Variants in DOCK2 observed in about 807,000 individuals in gnomAD.
DOCK2 encodes dedicator of cytokinesis protein 2.
In DOCK2, 87 loss-of-function variants were observed where a neutral mutation model predicts 248.9. That is an observed-to-expected ratio of 0.35 (90% CI 0.29 to 0.42). The LOEUF is 0.42. DOCK2 is among the 10% of genes least tolerant of loss of function. The pLI is 1.00. For synonymous variants in DOCK2, 805 were observed against 821.6 expected (o/e 0.98, Z 0.35); for missense variants, 1,747 against 2,300.2 (o/e 0.76, Z 4.92).
At position 169,678,275 on chromosome 5, in the gene DOCK2, GT is replaced by G. The variant is rs869109229; in HGVS notation, c.471-3458del. On this transcript the variant is annotated intron_variant, in intron 6 of 51. Coordinates refer to ENST00000520908, the MANE Select transcript of DOCK2 (RefSeq NM_004946.3). ...ATCTTCAGTCTTGAGAAAAGTTTTT[GT>G]TTTTTTTTTTCTTTTTTGAGACAGA... Among the ~76,000 whole-genome samples, 366 of 146,828 alleles carry G rather than the reference GT, an allele frequency of 2.5e-3. 2 individuals are homozygous for G. Among genetic ancestry groups the G allele is most frequent in the African/African-American group, 7.6e-3 (306 of 40,190 alleles).
chr5:169,739,260 G>A (rs1763191033), intron 22 of DOCK2, among the ~76,000 whole-genome samples: 1 of 152,176 alleles, frequency 6.6e-6, no homozygotes, highest in Admixed American at 6.5e-5. Context: ...TGCAGTTTAT[G>A]CCAGAAACTG....
At chr5:170,077,937 C>T in intron 48 of DOCK2, 100 bp downstream of exon 48, 1 of 1,007,850 alleles carries the variant, frequency 9.9e-7, no homozygotes, top group Non-Finnish European at 1.5e-6. Context: ...TCTACCTTTC[C>T]CTTCCTCCTT....
chr5:169,827,668 C>T (rs1326069910), intron 26 of DOCK2, among the ~76,000 whole-genome samples: 5 of 152,002 alleles, frequency 3.3e-5, no homozygotes, highest in East Asian at 1.9e-4. Flanking sequence ...GATCGGAATT[C>T]GGAATAAATC....
chr5:169,866,598 T>C, intron 27 of DOCK2, among the ~76,000 whole-genome samples: 1 of 152,152 alleles, frequency 6.6e-6, no homozygotes, highest in Non-Finnish European at 1.5e-5. Flanking sequence ...GCAGACAATC[T>C]CCCTGGCCTC....
intron 2 of DOCK2, among the ~76,000 whole-genome samples, chr5:169,663,688 T>A (rs932806486): frequency 2.0e-5 from 3 of 152,248 alleles, no homozygotes; most frequent in African/African-American, 7.2e-5. Context: ...TTGGCCCCTT[T>A]TAGCCATAGC....
intron 27 of DOCK2, among the ~76,000 whole-genome samples, chr5:169,854,074 C>T (rs1337892822): frequency 4.0e-5 from 6 of 151,616 alleles, no homozygotes; most frequent in Admixed American, 6.6e-5. Context: ...CCGCCCACCT[C>T]GGCCTCCCAA....
intron 27 of DOCK2, among the ~76,000 whole-genome samples, chr5:169,909,061 C>T (rs1297976824): frequency 6.6e-6 from 1 of 152,210 alleles, no homozygotes; most frequent in Admixed American, 6.5e-5. Flanking sequence ...CTGAGCCAGG[C>T]TGCCTGCTTT....
At chr5:169,956,988 C>G (rs1304569428) in intron 27 of DOCK2, among the ~76,000 whole-genome samples, 5 of 151,974 alleles carry the variant, frequency 3.3e-5, no homozygotes, top group Admixed American at 1.3e-4. Context: ...GGCAAAACCA[C>G]AGGAGCAATA....
chr5:169,828,150 A>G (rs1768991807), intron 26 of DOCK2, among the ~76,000 whole-genome samples: 1 of 152,208 alleles, frequency 6.6e-6, no homozygotes, highest in African/African-American at 2.4e-5. Context: ...CTGCATGCGT[A>G]GATCAGAGGA....
At chr5:169,957,960 G>A (rs144495666) in intron 27 of DOCK2, among the ~76,000 whole-genome samples, 115 of 152,298 alleles carry the variant, frequency 7.6e-4, no homozygotes, top group Non-Finnish European at 1.3e-3. Flanking sequence ...GGAGTAGGGC[G>A]TCAGGAGAGG....
At chr5:169,926,109 T>A (rs1775438746) in intron 27 of DOCK2, among the ~76,000 whole-genome samples, 1 of 152,088 alleles carries the variant, frequency 6.6e-6, no homozygotes, top group Non-Finnish European at 1.5e-5. Flanking sequence ...TGGGATGCTG[T>A]GGGAAAACAT....
At chr5:169,726,479 T>C (rs756655903) in intron 22 of DOCK2, among the ~76,000 whole-genome samples, 2 of 152,236 alleles carry the variant, frequency 1.3e-5, no homozygotes, top group Non-Finnish European at 2.9e-5. Context: ...TGATGGTAGT[T>C]TCTTTTGCTG....
At chr5:169,759,267 A>G (rs1175349862) in intron 23 of DOCK2, among the ~76,000 whole-genome samples, 1 of 152,250 alleles carries the variant, frequency 6.6e-6, no homozygotes, top group Non-Finnish European at 1.5e-5. Context: ...GTCACCATTT[A>G]TTGAGCACTA....
chr5:170,005,043 T>A (rs564843864), intron 30 of DOCK2, among the ~76,000 whole-genome samples: 2 of 141,118 alleles, frequency 1.4e-5, no homozygotes, highest in Non-Finnish European at 3.0e-5. Context: ...AATGTGCACA[T>A]GTACCCTAAA....
chr5:170,079,109 C>T lies in DOCK2; in HGVS notation c.5129C>T (p.Ala1710Val), dbSNP rs200684209. The T allele has an allele frequency of 1.5e-4, 240 of 1,613,866 alleles. No homozygotes were observed. The highest frequency in any genetic ancestry group is 1.6e-4 in the Non-Finnish European group (183 of 1,179,990). ...KRTKRSSVVFADEKAAAESDL... is the reference protein window; with the variant it reads ...KRTKRSSVVFVDEKAAAESDL... ...ACAAAGAGAAGCAGCGTAGTTTTTG[C>T]GGATGAGAAAGCAGCTGCAGAGTCG... The change falls in exon 49 of 52, where the codon GCG (alanine) becomes GTG (valine). Residue 1710 changes from alanine (A) to valine (V), a missense_variant. Physicochemically the swap from Ala to Val is moderately conservative, Grantham distance 64. Coordinates refer to ENST00000520908, the MANE Select transcript of DOCK2 (RefSeq NM_004946.3).
intron 26 of DOCK2, among the ~76,000 whole-genome samples, chr5:169,809,519 T>G (rs1767608798): frequency 6.6e-6 from 1 of 152,224 alleles, no homozygotes; most frequent in African/African-American, 2.4e-5. Flanking sequence ...AATTAGGGAC[T>G]TCCTTGTCTG....
intron 27 of DOCK2, among the ~76,000 whole-genome samples, chr5:169,972,448 G>A (rs567697117): frequency 7.3e-5 from 11 of 151,324 alleles, no homozygotes; most frequent in African/African-American, 2.7e-4. Flanking sequence ...ATAGATGTCA[G>A]TAGCAACCTC....
rs767414232 is a variant in DOCK2 at position 169,718,692 on chromosome 5, C to A, written c.2168C>A (p.Thr723Asn). The change falls in exon 22 of 52, where the codon ACC becomes AAC. Residue 723 changes from threonine to asparagine, a missense_variant. Around this residue, in one of 4 missense-constraint regions of DOCK2, gnomAD observed 858 missense variants for 1,183.5 expected, o/e 0.72. Coordinates refer to ENST00000520908, the MANE Select transcript of DOCK2 (RefSeq NM_004946.3). ...ACAGTGCTGAAGACTTACTTGGATA[C>A]CTCCAGCAGAGGGGAGCAATGTGAG... is the stretch of plus-strand genomic sequence containing the variant. Reference protein sequence around the residue: ...LMTVLKTYLDTSSRGEQCEPI... With the variant: ...LMTVLKTYLDNSSRGEQCEPI... The A allele has an allele frequency of 6.2e-7, 1 of 1,613,742 alleles. No homozygotes were observed. The highest frequency in any genetic ancestry group is 2.2e-5 in the East Asian group (1 of 44,832).
intron 27 of DOCK2, among the ~76,000 whole-genome samples, chr5:169,982,353 G>A (rs1430845260): frequency 6.6e-6 from 1 of 152,182 alleles, no homozygotes; most frequent in African/African-American, 2.4e-5. Flanking sequence ...AAAAGGCTAT[G>A]CTGATGTCTT....
Sources: allele counts gnomAD v4.1 joint callset (sites outside exome capture counted in the v4.1 genomes callset), GRCh38; gene constraint gnomAD v4.1.1; regional missense constraint gnomAD v4.1.1; transcripts MANE v1.5; gene names NCBI Gene and HGNC (gene_info 2026-07-23, HGNC 2026-07-21).